Variants in THSD7B observed in about 807,000 individuals in gnomAD.
THSD7B encodes the protein thrombospondin type-1 domain-containing protein 7B.
In THSD7B, 138 loss-of-function variants were observed where a neutral mutation model predicts 213.6. The observed-to-expected ratio is 0.65, with a 90% CI of 0.56 to 0.74. The LOEUF is 0.74. Among genes scored for constraint, THSD7B ranks in the 30% least tolerant of loss-of-function variants. THSD7B has a pLI of 0.00. For missense variants in THSD7B, 1,931 were observed against 1,991.5 expected (o/e 0.97, Z 0.58); for synonymous variants, 742 against 687.0 (o/e 1.08, Z -1.25).
chr2:137,455,523 T>G (rs1487468135), intron 15 of THSD7B, among the ~76,000 whole-genome samples: 1 of 152,210 alleles, frequency 6.6e-6, no homozygotes, highest in East Asian at 1.9e-4. Flanking sequence ...ATTTATCATC[T>G]TTCATAAAAG....
intron 1 of THSD7B, among the ~76,000 whole-genome samples, chr2:136,835,079 G>A (rs557430640): frequency 2.6e-5 from 4 of 152,208 alleles, no homozygotes; most frequent in Admixed American, 1.3e-4. Context: ...GAGCCAACAC[G>A]CAACTCTGAT....
intron 17 of THSD7B, among the ~76,000 whole-genome samples, chr2:137,597,567 G>A (rs993629460): frequency 6.6e-6 from 1 of 151,750 alleles, no homozygotes. Context: ...CAAAGTGCTT[G>A]CATGGTGACA....
intron 2 of THSD7B, among the ~76,000 whole-genome samples, chr2:137,046,730 C>CAAA (rs59928985): frequency 2.0e-4 from 9 of 44,294 alleles, no homozygotes; most frequent in East Asian, 7.0e-4. Flanking sequence ...AACTCCGTCT[C>CAAA]AAAAAAAAAA....
intron 12 of THSD7B, among the ~76,000 whole-genome samples, chr2:137,390,817 C>T (rs1210990433): frequency 6.6e-5 from 10 of 152,074 alleles, no homozygotes; most frequent in Non-Finnish European, 1.0e-4. Flanking sequence ...ATTCTCTTTA[C>T]GTGCTGTATT....
At chr2:136,939,750 A>G (rs1684789427) in intron 2 of THSD7B, among the ~76,000 whole-genome samples, 1 of 152,170 alleles carries the variant, frequency 6.6e-6, no homozygotes, top group Non-Finnish European at 1.5e-5. Flanking sequence ...TTCTCGCTTC[A>G]CAGGCACAAA....
chr2:137,629,450 CT>C (rs142727045), intron 20 of THSD7B, among the ~76,000 whole-genome samples: 3,243 of 152,228 alleles, frequency 0.021, 70 homozygotes, highest in South Asian at 0.067. Flanking sequence ...GTAAGCAGTT[CT>C]GTTAGTGCTG....
At chr2:137,561,585 G>C (rs1202492605) in intron 15 of THSD7B, among the ~76,000 whole-genome samples, 1 of 152,146 alleles carries the variant, frequency 6.6e-6, no homozygotes, top group African/African-American at 2.4e-5. Context: ...TAAATTCAGT[G>C]AAAGCATCGT....
chr2:137,277,364 G>A (rs1282197850), intron 12 of THSD7B, among the ~76,000 whole-genome samples: 2 of 152,048 alleles, frequency 1.3e-5, no homozygotes, highest in African/African-American at 4.8e-5. Context: ...ATTAGGCAAT[G>A]AACTTTCTCT....
At chr2:137,055,741 C>G (rs1268977229) in intron 2 of THSD7B, among the ~76,000 whole-genome samples, 1 of 152,206 alleles carries the variant, frequency 6.6e-6, no homozygotes, top group Non-Finnish European at 1.5e-5. Flanking sequence ...GGCAGAATTT[C>G]CACAGACAAT....
chr2:136,783,044 C>T (rs987458332), intron 1 of THSD7B, among the ~76,000 whole-genome samples: 8 of 151,684 alleles, frequency 5.3e-5, no homozygotes, highest in Non-Finnish European at 1.2e-4. Flanking sequence ...TGCAAACTTA[C>T]GCTGAGTAGC....
At chr2:137,049,883 A>C (rs1404432040) in intron 2 of THSD7B, among the ~76,000 whole-genome samples, 2 of 152,214 alleles carry the variant, frequency 1.3e-5, no homozygotes, top group Non-Finnish European at 2.9e-5. Flanking sequence ...TCCCTCACCC[A>C]CACCTTAGAC....
intron 20 of THSD7B, among the ~76,000 whole-genome samples, chr2:137,628,647 TAC>T (rs1389844097): frequency 6.6e-6 from 1 of 152,216 alleles, no homozygotes; most frequent in African/African-American, 2.4e-5. Flanking sequence ...CCATAAGCAC[TAC>T]AGTGTTGTCC....
At chr2:137,293,184 G>C (rs1009477273) in intron 12 of THSD7B, among the ~76,000 whole-genome samples, 1 of 151,878 alleles carries the variant, frequency 6.6e-6, no homozygotes, top group Non-Finnish European at 1.5e-5. Context: ...TATCATCCAG[G>C]CTGGAGTGCA....
intron 1 of THSD7B, among the ~76,000 whole-genome samples, chr2:136,786,605 C>T (rs1681855730): frequency 6.6e-6 from 1 of 152,086 alleles, no homozygotes; most frequent in Non-Finnish European, 1.5e-5. Context: ...TGTTCATCAA[C>T]AAACATTTTG....
chr2:136,991,453 A>G (rs1353923099), intron 2 of THSD7B, among the ~76,000 whole-genome samples: 1 of 151,996 alleles, frequency 6.6e-6, no homozygotes, highest in African/African-American at 2.4e-5. Flanking sequence ...AGCGAGAGAG[A>G]GTCTCTCTTT....
At chr2:137,397,642 C>A (rs1228430908) in intron 12 of THSD7B, among the ~76,000 whole-genome samples, 1 of 150,436 alleles carries the variant, frequency 6.6e-6, no homozygotes. Flanking sequence ...AATTATGTGT[C>A]TTGGAGTTGC....
At chr2:136,964,090 T>A (rs1467678263) in intron 2 of THSD7B, among the ~76,000 whole-genome samples, 4 of 152,234 alleles carry the variant, frequency 2.6e-5, no homozygotes, top group African/African-American at 4.8e-5. Flanking sequence ...CACTTTGAAT[T>A]TGATACCACG....
intron 12 of THSD7B, among the ~76,000 whole-genome samples, chr2:137,360,868 A>G (rs913727918): frequency 1.3e-5 from 2 of 152,102 alleles, no homozygotes; most frequent in African/African-American, 4.8e-5. Context: ...GTCTCCCAGC[A>G]TGTTTGAGCT....
chr2:136,880,760 C>T (rs145547120), intron 1 of THSD7B, among the ~76,000 whole-genome samples: 1 of 152,236 alleles, frequency 6.6e-6, no homozygotes, highest in African/African-American at 2.4e-5. Flanking sequence ...TCTTTTCATT[C>T]ACCAGTACTT....
Sources: gnomAD v4.1 joint callset for allele counts (sites outside exome capture counted in the v4.1 genomes callset) on GRCh38, gnomAD v4.1.1 for gene constraint, MANE v1.5 for transcripts, NCBI Gene and HGNC (gene_info 2026-07-23, HGNC 2026-07-21) for gene names.